Variants in TTC27 observed in about 807,000 individuals in gnomAD.
The protein encoded by TTC27 is tetratricopeptide repeat protein 27.
Under a neutral mutation model 115.9 loss-of-function variants are expected in TTC27, and 79 were observed. The observed-to-expected ratio is 0.68, with a 90% confidence interval of 0.57 to 0.82. The LOEUF is 0.82. TTC27 is among the 40% of genes least tolerant of loss of function. The probability of loss-of-function intolerance (pLI) is 0.00; values close to 1 mark genes in which losing one functional copy is unlikely to be tolerated. For synonymous variants in TTC27, 401 were observed against 356.0 expected (o/e 1.13, Z -1.42); for missense variants, 1,054 against 993.1 (o/e 1.06, Z -0.82).
chr2:32,728,290 C>T (rs1572554479), intron 10 of TTC27, among the ~76,000 whole-genome samples: 3 of 152,258 alleles, frequency 2.0e-5, no homozygotes, highest in East Asian at 1.9e-4. Context: ...ATCCGCCGGC[C>T]TCGGCCTCCC....
intron 9 of TTC27, among the ~76,000 whole-genome samples, chr2:32,700,531 T>C (rs1667147592): frequency 6.6e-6 from 1 of 152,164 alleles, no homozygotes; most frequent in African/African-American, 2.4e-5. Context: ...AAAAGTCTTT[T>C]CCTTTGAAAA....
intron 13 of TTC27, among the ~76,000 whole-genome samples, chr2:32,763,245 A>G (rs1164155678): frequency 6.6e-6 from 1 of 152,232 alleles, no homozygotes; most frequent in Non-Finnish European, 1.5e-5. Flanking sequence ...TACAAGATGC[A>G]AACTTGAACA....
intron 9 of TTC27, among the ~76,000 whole-genome samples, chr2:32,696,569 C>T (rs1432108968): frequency 2.0e-5 from 3 of 152,082 alleles, no homozygotes; most frequent in African/African-American, 7.2e-5. Context: ...ACTAGGATTA[C>T]AGGCATGAGC....
chr2:32,671,226 G>T (rs898526236), intron 7 of TTC27, among the ~76,000 whole-genome samples: 1 of 151,876 alleles, frequency 6.6e-6, no homozygotes, highest in Non-Finnish European at 1.5e-5. Context: ...GCTTTAGCTT[G>T]TATATTAAGG....
Position 32,673,021 on chromosome 2 carries a change from T to C in TTC27, c.1052+637T>C, listed in dbSNP as rs539864966. Among the ~76,000 whole-genome samples, 114 of 152,320 alleles carry C rather than the reference T, an allele frequency of 7.5e-4. No homozygotes were observed. The South Asian group carries it at 7.7e-3, about 10-fold the overall frequency. ...TTTTGCTAGTTGTTCAGATACTCTC[T>C]TTTAGAAAAGATCCAGTCTAGAATA... On this transcript the variant is annotated intron_variant, in intron 8 of 19. Transcript: ENST00000317907.
intron 7 of TTC27, 110 bp from the exon 8 acceptor site, chr2:32,672,162 G>A: frequency 2.8e-6 from 2 of 709,592 alleles, no homozygotes; most frequent in South Asian, 3.7e-5. Context: ...TTGACCATAT[G>A]TCAAACAGGT....
intron 13 of TTC27, among the ~76,000 whole-genome samples, chr2:32,774,829 A>T (rs1367478051): frequency 6.6e-6 from 1 of 152,236 alleles, no homozygotes; most frequent in African/African-American, 2.4e-5. Context: ...ACTGTGTGCA[A>T]AGCTCATTTC....
intron 5 of TTC27, among the ~76,000 whole-genome samples, chr2:32,652,565 T>C (rs1665168902): frequency 6.6e-6 from 1 of 152,166 alleles, no homozygotes; most frequent in Non-Finnish European, 1.5e-5. Context: ...TATTTCAGCA[T>C]GTCATTTGCT....
At chr2:32,809,848 G>A (rs1342169397) in intron 16 of TTC27, among the ~76,000 whole-genome samples, 2 of 152,238 alleles carry the variant, frequency 1.3e-5, no homozygotes, top group Non-Finnish European at 2.9e-5. Flanking sequence ...GCCGGGCGCA[G>A]TGGCTCATGC....
chr2:32,806,602 A>T (rs148222076), intron 16 of TTC27, among the ~76,000 whole-genome samples: 1,620 of 152,208 alleles, frequency 0.011, 37 homozygotes, highest in African/African-American at 0.037. Flanking sequence ...AACACGGTGA[A>T]ACCCCATCTC....
chr2:32,742,463 G>A (rs148538393), intron 12 of TTC27, among the ~76,000 whole-genome samples: 1 of 152,304 alleles, frequency 6.6e-6, no homozygotes, highest in South Asian at 2.1e-4. Context: ...GCATGGTGTT[G>A]TCACACATAT....
chr2:32,724,380 A>G (rs1668040217), intron 10 of TTC27, among the ~76,000 whole-genome samples: 1 of 152,150 alleles, frequency 6.6e-6, no homozygotes, highest in African/African-American at 2.4e-5. Context: ...GAAGCAGTGG[A>G]AGGGCAGGGG....
intron 13 of TTC27, among the ~76,000 whole-genome samples, chr2:32,771,274 G>A (rs771368879): frequency 4.6e-5 from 7 of 152,304 alleles, no homozygotes; most frequent in Admixed American, 2.6e-4. Context: ...TAGTAAGTTC[G>A]CAATAATAGA....
At chr2:32,820,421 T>G (rs1217502810) in intron 19 of TTC27, among the ~76,000 whole-genome samples, 1 of 152,210 alleles carries the variant, frequency 6.6e-6, no homozygotes, top group Non-Finnish European at 1.5e-5. Context: ...TTCAAGTAAG[T>G]AGCATAAAGG....
chr2:32,633,822 G>A (rs1195612711), intron 2 of TTC27, 54 bp from the exon 3 acceptor site: 2 of 1,562,000 alleles, frequency 1.3e-6, no homozygotes, highest in Non-Finnish European at 1.8e-6. Flanking sequence ...GTGTGTTTGA[G>A]ATTATACAGT....
Position 32,758,455 on chromosome 2 carries a change from G to A in TTC27, c.1616G>A (p.Arg539Gln), listed in dbSNP as rs757743435. Reference sequence around the variant, plus strand: ...CGCTCCAAAGCCCTCCTTCATCTTCGGAACAAGGAGTTTCAAGAGTGTGTA... The same window carrying A: ...CGCTCCAAAGCCCTCCTTCATCTTCAGAACAAGGAGTTTCAAGAGTGTGTA... ...AQRSKALLHL[R>Q]NKEFQECVEC... Residue 539 changes from arginine (R) to glutamine (Q), a missense_variant, in exon 13 of 20, where the codon CGG (arginine) becomes CAG (glutamine). Physicochemically the swap from Arg to Gln is conservative, Grantham distance 43 (BLOSUM62 1). Coordinates refer to ENST00000317907, the MANE Select transcript of TTC27 (RefSeq NM_017735.5). 1.7e-5 allele frequency: 28 copies of A among 1,614,036 alleles called. No homozygotes were observed. The Middle Eastern group carries it at 4.9e-4, about 28-fold the overall frequency.
At chr2:32,655,641 A>G (rs2151873284) in intron 5 of TTC27, among the ~76,000 whole-genome samples, 1 of 152,246 alleles carries the variant, frequency 6.6e-6, no homozygotes, top group Admixed American at 6.5e-5. Flanking sequence ...TTTGCATCTA[A>G]AAAATTATCC....
chr2:32,684,841 T>C (rs1481344466), intron 9 of TTC27, among the ~76,000 whole-genome samples: 3 of 137,300 alleles, frequency 2.2e-5, no homozygotes, highest in Admixed American at 1.5e-4. Flanking sequence ...TTAAGCAAAA[T>C]AAAACGAACA....
At chr2:32,721,341 A>T (rs1667918768) in intron 10 of TTC27, among the ~76,000 whole-genome samples, 1 of 152,164 alleles carries the variant, frequency 6.6e-6, no homozygotes, top group Admixed American at 6.5e-5. Flanking sequence ...GGCTATTATA[A>T]CTGAGAGTTC....
Sources: allele counts gnomAD v4.1 joint callset (sites outside exome capture counted in the v4.1 genomes callset), GRCh38; gene constraint gnomAD v4.1.1; transcripts MANE v1.5; gene names NCBI Gene and HGNC (gene_info 2026-07-23, HGNC 2026-07-21).